The following NBPF12 variants were observed in gnomAD, a reference collection of about 807,000 sequenced individuals.
NBPF12 encodes the protein NBPF family member NBPF12.
NBPF12 carries 115 observed loss-of-function variants against 146.4 expected under a neutral mutation model. That is an observed-to-expected ratio of 0.79 (90% CI 0.68 to 0.92). The LOEUF (loss-of-function observed/expected upper bound fraction) is 0.92. NBPF12 is among the 40% of genes least tolerant of loss of function. The pLI is 0.00. For missense variants in NBPF12, 1,205 were observed against 1,326.8 expected (o/e 0.91, Z 1.43); for synonymous variants, 385 against 508.9 (o/e 0.76, Z 3.28).
At chr1:146,972,432 A>T (rs1396327645) in intron 13 of NBPF12, among the ~76,000 whole-genome samples, 1 of 151,448 alleles carries the variant, frequency 6.6e-6, no homozygotes, top group Non-Finnish European at 1.5e-5. Flanking sequence ...AAAAATTAAA[A>T]AAGCAAAATG....
chr1:146,969,958 G>C (rs1553886140), intron 11 of NBPF12, among the ~76,000 whole-genome samples: 76 of 150,606 alleles, frequency 5.0e-4, no homozygotes, highest in Middle Eastern at 3.2e-3. Context: ...TTCTTAGTAA[G>C]TGTCGGTGAG....
intron 9 of NBPF12, among the ~76,000 whole-genome samples, chr1:146,967,642 C>T (rs1441491967): frequency 2.7e-5 from 4 of 150,464 alleles, no homozygotes; most frequent in Admixed American, 6.6e-5. Context: ...GGTAGCAGTG[C>T]AGTGTACAGA....
chr1:146,961,561 A>C (rs1655851413), intron 4 of NBPF12, among the ~76,000 whole-genome samples: 1 of 152,100 alleles, frequency 6.6e-6, no homozygotes, highest in South Asian at 2.1e-4. Flanking sequence ...AACACAACTA[A>C]TCTAAATCTT....
At chr1:146,973,108 G>C (rs1176812698) in intron 14 of NBPF12, 148 bp downstream of exon 17, 1 of 615,926 alleles carries the variant, frequency 1.6e-6, no homozygotes, top group Admixed American at 2.9e-5. Context: ...TTTTGTTAAA[G>C]TTGGAAGACA....
At chr1:146,989,989 A>G (rs1401501967) in intron 28 of NBPF12, among the ~76,000 whole-genome samples, 1 of 138,066 alleles carries the variant, frequency 7.2e-6, no homozygotes, top group African/African-American at 2.7e-5. Context: ...TACTCTCAAG[A>G]TGTTGGATCT....
rs1656099409 is a variant in NBPF12 at position 146,965,020 on chromosome 1, G to C, written c.694G>C (p.Glu232Gln). The C allele has an allele frequency of 1.3e-5, 21 of 1,608,602 alleles. No homozygotes were observed. The East Asian group carries it at 4.7e-4, about 36-fold the overall frequency. ...TCACAAGAACATCAAAATCACATTTGAGGAAGACAAAGTCAACTCAACTGT... is the reference window on the plus strand; with the variant it reads ...TCACAAGAACATCAAAATCACATTTCAGGAAGACAAAGTCAACTCAACTGT... The change falls in exon 8 of 34, where the codon GAG (glutamate) becomes CAG (glutamine). Residue 232 changes from glutamate (E) to glutamine (Q), a missense_variant. Physicochemically the swap from Glu to Gln is conservative, Grantham distance 29. Transcript: ENST00000617844.
At chr1:146,967,431 G>A (rs1656277624) in intron 9 of NBPF12, among the ~76,000 whole-genome samples, 1 of 150,330 alleles carries the variant, frequency 6.7e-6, no homozygotes, top group Admixed American at 6.6e-5. Flanking sequence ...AACCCAGGAG[G>A]CTGAGGTTGC....
At chr1:146,941,901 C>G (rs1570807147) in intron 1 of NBPF12, among the ~76,000 whole-genome samples, 1 of 149,642 alleles carries the variant, frequency 6.7e-6, no homozygotes, top group African/African-American at 2.5e-5. Context: ...CTCTGTTGCC[C>G]AGGCTGAAGT....
chr1:146,939,394 C>T (rs1654692052), intron 1 of NBPF12, among the ~76,000 whole-genome samples: 2 of 152,122 alleles, frequency 1.3e-5, no homozygotes, highest in South Asian at 2.1e-4. Context: ...TCTTTATTGG[C>T]CTCCGGGATT....
exon 14 of NBPF12, chr1:146,972,907 A>G (rs1245332057): frequency 4.9e-6 from 5 of 1,030,302 alleles, no homozygotes; most frequent in Non-Finnish European, 7.7e-6. Context: ...CTCAAAGAGA[A>G]ATGTTTTGTA....
At chr1:146,980,201 T>C (rs1352243068) in intron 19 of NBPF12, among the ~76,000 whole-genome samples, 1 of 152,068 alleles carries the variant, frequency 6.6e-6, no homozygotes, top group Non-Finnish European at 1.5e-5. Context: ...TTTGAGCCTA[T>C]GTGTGTCTCT....
At chr1:146,983,245 A>G in intron 20 of NBPF12, 154 bp downstream of exon 23, 1 of 761,542 alleles carries the variant, frequency 1.3e-6, no homozygotes, top group South Asian at 1.6e-5. Context: ...TCTGGAGTCG[A>G]GTCTGAAGCA....
rs1657992671 is a variant in NBPF12, at chr1:146,989,289, AC to A, written c.3399-284del. 2.1e-5 allele frequency among the ~76,000 whole-genome samples: 3 copies of A among 144,794 alleles called. No homozygotes were observed. In the Admixed American group the frequency reaches 2.1e-4, roughly 10 times the overall value. 95.0% of individuals were successfully genotyped at this position (144,794 alleles called of 152,430 possible). On this transcript the variant is annotated intron_variant, in intron 27 of 33. Coordinates refer to ENST00000617844, the Ensembl canonical transcript of NBPF12. The stretch of plus-strand genomic sequence containing the variant: ...GGGCACTAACTCAGAGTGTCCTTTG[AC>A]TCCCTTACCAGTATGTCACCTGGCC...
chr1:146,939,976 C>T (rs1181454996), intron 1 of NBPF12, among the ~76,000 whole-genome samples: 4 of 72,392 alleles, frequency 5.5e-5, no homozygotes, highest in African/African-American at 1.6e-4. Context: ...CAGAGCGAGA[C>T]TCCCTCTAAA....
intron 1 of NBPF12, among the ~76,000 whole-genome samples, chr1:146,942,966 C>T (rs1654873491): frequency 7.1e-6 from 1 of 141,008 alleles, no homozygotes; most frequent in Non-Finnish European, 1.5e-5. Context: ...GCAGTGGTGC[C>T]ATCATAGCTC....
chr1:146,942,492 G>A (rs1423366943), intron 1 of NBPF12, among the ~76,000 whole-genome samples: 2 of 151,574 alleles, frequency 1.3e-5, no homozygotes, highest in African/African-American at 4.9e-5. Flanking sequence ...ACCTCACCTG[G>A]CATGAAACAG....
intron 8 of NBPF12, 145 bp from the exon 12 acceptor site, chr1:146,966,319 G>A (rs1656203329): frequency 2.5e-6 from 2 of 793,884 alleles, no homozygotes; most frequent in Non-Finnish European, 4.5e-6. Context: ...AGGAGATCAA[G>A]ACTGGAGATG....
chr1:146,984,756 G>A (rs1462943312), intron 21 of NBPF12, 57 bp from the exon 25 acceptor site: 30,281 of 817,248 alleles, frequency 0.037, 303 homozygotes, highest in Admixed American at 0.19. Flanking sequence ...ATCTAGCTGG[G>A]GCTGTGTGGT....
chr1:146,981,660 G>A (rs1486776397), intron 19 of NBPF12, among the ~76,000 whole-genome samples: 1 of 151,964 alleles, frequency 6.6e-6, no homozygotes, highest in African/African-American at 2.4e-5. Context: ...TCCCAGCTTG[G>A]TTCCATTCTC....
Sources: allele counts gnomAD v4.1 joint callset (sites outside exome capture counted in the v4.1 genomes callset), GRCh38; gene constraint gnomAD v4.1.1; transcripts MANE v1.5; gene names NCBI Gene and HGNC (gene_info 2026-07-23, HGNC 2026-07-21).